MPPED1: variants seen among roughly 807,000 people sequenced by gnomAD.
MPPED1 encodes the protein metallophosphoesterase domain-containing protein 1.
MPPED1 carries 16 observed loss-of-function variants against 36.2 expected under a neutral mutation model. The observed-to-expected ratio is 0.44, with a 90% CI of 0.30 to 0.67. The LOEUF (loss-of-function observed/expected upper bound fraction) is 0.67, where lower values mean the gene tolerates loss of function less well. Ranked by LOEUF, MPPED1 falls within the 30% of genes least tolerant of loss-of-function variation. The probability of loss-of-function intolerance (pLI) is 0.10; values close to 1 mark genes in which losing one functional copy is unlikely to be tolerated. For synonymous variants in MPPED1, 199 were observed against 191.3 expected (o/e 1.04, Z -0.33); for missense variants, 307 against 453.4 (o/e 0.68, Z 2.93).
At chr22:43,430,078 G>A (rs1929621110) in intron 2 of MPPED1, among the ~76,000 whole-genome samples, 1 of 152,184 alleles carries the variant, frequency 6.6e-6, no homozygotes, top group Admixed American at 6.5e-5. Flanking sequence ...TTCCCCATTT[G>A]TAAAATGAGA....
intron 2 of MPPED1, among the ~76,000 whole-genome samples, chr22:43,432,319 G>A (rs1929722825): frequency 7.2e-6 from 1 of 138,928 alleles, no homozygotes; most frequent in African/African-American, 2.8e-5. Flanking sequence ...GAGAGAGAAA[G>A]GGAGGAGAGA....
At chr22:43,437,195 G>A (rs1929991379) in intron 3 of MPPED1, among the ~76,000 whole-genome samples, 1 of 152,190 alleles carries the variant, frequency 6.6e-6, no homozygotes, top group African/African-American at 2.4e-5. Flanking sequence ...GTTGGCCGGT[G>A]GGCCAGGTCC....
rs528934938 is a variant in MPPED1, at chr22:43,484,891, C to T, written c.632+9930C>T. Among the ~76,000 whole-genome samples the T allele has an allele frequency of 5.1e-4, 77 of 152,312 alleles. 1 individual carries two copies. The highest frequency in any genetic ancestry group is 2.2e-4 in the Non-Finnish European group (15 of 68,026). The stretch of plus-strand genomic sequence containing the variant: ...GAGTGATCCCACAGCCACCCACCTC[C>T]GTCTCCTTCCCGTACTGGCTTCTTA... On this transcript the variant is annotated intron_variant, in intron 4 of 6. Transcript: ENST00000443721.
intron 3 of MPPED1, among the ~76,000 whole-genome samples, chr22:43,469,137 G>A (rs946272763): frequency 2.0e-5 from 3 of 152,224 alleles, no homozygotes; most frequent in South Asian, 2.1e-4. Context: ...CTTTCCCGGG[G>A]TTCAGGTACT....
intron 4 of MPPED1, among the ~76,000 whole-genome samples, chr22:43,482,048 T>C (rs1220290823): frequency 1.3e-5 from 2 of 152,020 alleles, no homozygotes; most frequent in African/African-American, 2.4e-5. Flanking sequence ...GGGCCTTCGC[T>C]GAGAGCAGCT....
intron 4 of MPPED1, among the ~76,000 whole-genome samples, chr22:43,491,718 ATAAAGATGATGC>A (rs1932100949): frequency 2.3e-5 from 1 of 43,594 alleles, no homozygotes; most frequent in Non-Finnish European, 4.3e-5. Flanking sequence ...GGTGGTGGTG[ATAAAGATGATGC>A]TGGTGGTGGT....
At chr22:43,413,535 T>C (rs374689845) in intron 1 of MPPED1, among the ~76,000 whole-genome samples, 55 of 152,252 alleles carry the variant, frequency 3.6e-4, no homozygotes, top group African/African-American at 1.3e-3. Flanking sequence ...TGCTGATGGA[T>C]TCGGCCGGGC....
At chr22:43,499,545 TGGGTGGTGGTGGA>T (rs1932558394) in intron 5 of MPPED1, among the ~76,000 whole-genome samples, 1 of 81,970 alleles carries the variant, frequency 1.2e-5, no homozygotes, top group Non-Finnish European at 2.5e-5. Flanking sequence ...GTGGTGATGG[TGGGTGGTGGTGGA>T]GGTGGTGGTG....
intron 3 of MPPED1, among the ~76,000 whole-genome samples, chr22:43,469,440 T>C (rs550556156): frequency 3.6e-4 from 4 of 11,178 alleles, no homozygotes; most frequent in African/African-American, 1.0e-3. Flanking sequence ...TAATGATTGG[T>C]CACTGGGAAT....
chr22:43,460,076 A>C (rs1343610246), intron 3 of MPPED1, among the ~76,000 whole-genome samples: 1 of 151,988 alleles, frequency 6.6e-6, no homozygotes, highest in Non-Finnish European at 1.5e-5. Context: ...GTGTGGTGGC[A>C]TGTGCCTGTA....
chr22:43,458,548 T>A (rs1477863780), intron 3 of MPPED1, among the ~76,000 whole-genome samples: 1 of 152,188 alleles, frequency 6.6e-6, no homozygotes, highest in African/African-American at 2.4e-5. Context: ...ACTCCCAAAG[T>A]GCTGGGATTA....
At chr22:43,486,930 C>T (rs1569085806) in intron 4 of MPPED1, among the ~76,000 whole-genome samples, 2 of 152,198 alleles carry the variant, frequency 1.3e-5, no homozygotes, top group African/African-American at 2.4e-5. Context: ...AGAGAGTTCT[C>T]GTGACTGTTT....
chr22:43,466,434 G>A (rs533013587), intron 3 of MPPED1, among the ~76,000 whole-genome samples: 3 of 152,262 alleles, frequency 2.0e-5, no homozygotes, highest in Admixed American at 6.5e-5. Flanking sequence ...CTCCAGCTTC[G>A]CAGCTCACAT....
chr22:43,459,106 ACT>A (rs766568927), intron 3 of MPPED1, among the ~76,000 whole-genome samples: 8 of 151,142 alleles, frequency 5.3e-5, no homozygotes, highest in Non-Finnish European at 1.2e-4. Flanking sequence ...ATAGAGTCTC[ACT>A]CTGTCACCCA....
At chr22:43,435,965 C>A (rs1408655937) in intron 3 of MPPED1, among the ~76,000 whole-genome samples, 2 of 152,190 alleles carry the variant, frequency 1.3e-5, no homozygotes, top group Non-Finnish European at 2.9e-5. Context: ...TTCATCCTAG[C>A]TCAGTCACCC....
intron 3 of MPPED1, among the ~76,000 whole-genome samples, chr22:43,437,568 G>A (rs1046755533): frequency 6.6e-6 from 1 of 152,120 alleles, no homozygotes; most frequent in Admixed American, 6.5e-5. Context: ...GTAAGGGTGT[G>A]GACGATGCTG....
rs180964158 is a variant in MPPED1, at chr22:43,480,045, G to T, written c.632+5084G>T. On this transcript the variant is annotated intron_variant, in intron 4 of 6. Coordinates refer to ENST00000443721, the MANE Select transcript of MPPED1 (RefSeq NM_001044370.2). ...GCCCGGCTGATTTTTAAAATTATTT[G>T]TAGAGATGGGGTCTCATGTTGTTGC... Among the ~76,000 whole-genome samples, 6 of 152,224 alleles carry T rather than the reference G, an allele frequency of 3.9e-5. No individual in the cohort carries two copies. The East Asian group carries it at 9.7e-4, about 24-fold the overall frequency.
At chr22:43,414,747 CA>C (rs1483879111) in intron 1 of MPPED1, among the ~76,000 whole-genome samples, 1 of 151,842 alleles carries the variant, frequency 6.6e-6, no homozygotes, top group African/African-American at 2.4e-5. Flanking sequence ...TCACCGGGAA[CA>C]AAAAAGGGTC....
chr22:43,414,523 A>G (rs1322343018), intron 1 of MPPED1, among the ~76,000 whole-genome samples: 1 of 152,144 alleles, frequency 6.6e-6, no homozygotes, highest in Non-Finnish European at 1.5e-5. Context: ...TGAACTGATC[A>G]TGAATACCGG....
Sources: allele counts gnomAD v4.1 joint callset (sites outside exome capture counted in the v4.1 genomes callset), GRCh38; gene constraint gnomAD v4.1.1; transcripts MANE v1.5; gene names NCBI Gene and HGNC (gene_info 2026-07-23, HGNC 2026-07-21).